The following ATP6V1B1 variants were observed in gnomAD, a reference collection of about 807,000 sequenced individuals.
ATP6V1B1 encodes V-type proton ATPase subunit B, kidney isoform.
A neutral mutation model predicts 62.1 loss-of-function variants in ATP6V1B1; 41 were observed. The observed-to-expected ratio is 0.66, with a 90% CI of 0.51 to 0.86. The LOEUF is 0.86. Ranked by LOEUF, ATP6V1B1 falls within the 40% of genes least tolerant of loss-of-function variation. The probability of loss-of-function intolerance (pLI) is 0.00; values close to 1 mark genes in which losing one functional copy is unlikely to be tolerated. For missense variants in ATP6V1B1, 651 were observed against 697.5 expected (o/e 0.93, Z 0.75); for synonymous variants, 253 against 273.4 (o/e 0.93, Z 0.74).
At chr2:70,937,889 G>A (rs1441055298) in intron 1 of ATP6V1B1, among the ~76,000 whole-genome samples, 3 of 152,090 alleles carry the variant, frequency 2.0e-5, no homozygotes, top group African/African-American at 7.2e-5. Context: ...ATGCCCTGGA[G>A]GTTCTGACCC....
At position 70,964,995 on chromosome 2, in the gene ATP6V1B1, C is replaced by G. The variant is rs138716118; in HGVS notation, c.1416C>G (p.Asp472Glu). 6 of 1,613,808 alleles carry G rather than the reference C, an allele frequency of 3.7e-6. No homozygotes were observed. Among genetic ancestry groups the G allele is most frequent in the Non-Finnish European group, 5.1e-6 (6 of 1,180,038 alleles). Residue 472 changes from aspartate (D) to glutamate (E), a missense_variant, in exon 14 of 14, where the codon GAC becomes GAG. By Grantham distance (45) the Asp-to-Glu change is conservative (BLOSUM62 2). Coordinates refer to ENST00000234396, the MANE Select transcript of ATP6V1B1 (RefSeq NM_001692.4). ...ACCGCTCGGTGTTCGAGTCGCTGGA[C>G]CTGGGCTGGAAGCTGCTGCGCATCT... ...YENRSVFESL[D>E]LGWKLLRIFP...
chr2:70,943,074 C>G (rs1680042469), intron 1 of ATP6V1B1, among the ~76,000 whole-genome samples: 1 of 152,208 alleles, frequency 6.6e-6, no homozygotes, highest in African/African-American at 2.4e-5. Flanking sequence ...TTTTCACTCC[C>G]TCCCCTCCCA....
chr2:70,960,962 G>A lies in ATP6V1B1; in HGVS notation c.627G>A (p.Lys209=), dbSNP rs1553419961. 1 of 1,608,478 alleles carries A rather than the reference G, an allele frequency of 6.2e-7. No individual in the cohort carries two copies. The highest frequency in any genetic ancestry group is 1.1e-5 in the South Asian group (1 of 89,762). ...QICRQAGLVK[K]SKAVLDYHDD... is the part of the protein sequence containing the mutation. ...GCCGCCAGGCGGGGCTGGTGAAGAA[G>A]TCCAAGGCTGTGCTGGATTACCATG... Residue 209 remains lysine, a synonymous_variant, in exon 7 of 14, where the codon AAG becomes AAA. Coordinates refer to ENST00000234396, the MANE Select transcript of ATP6V1B1 (RefSeq NM_001692.4).
chr2:70,950,444 T>C (rs1375843514), intron 2 of ATP6V1B1, among the ~76,000 whole-genome samples: 8 of 152,266 alleles, frequency 5.3e-5, no homozygotes, highest in Non-Finnish European at 1.0e-4. Flanking sequence ...ATTAAGACAA[T>C]AATGTTCTTC....
In ATP6V1B1 at chr2:70,961,174, T is replaced by C. The variant is rs113721605; in HGVS notation, c.687+152T>C. 15 of 811,396 alleles carry C rather than the reference T, an allele frequency of 1.8e-5. 1 individual carries two copies. Among genetic ancestry groups the C allele is most frequent in the African/African-American group, 1.7e-4 (10 of 59,072 alleles). The allele number at this position is 811,396 out of a possible 1,614,324, so 50.3% of individuals were successfully genotyped here. A position where few individuals can be genotyped will look rare whatever the true frequency, so the allele number is the denominator to read the frequency against. On this transcript the variant is annotated intron_variant, in intron 7 of 13. Transcript: ENST00000234396. ...GATGGGAGCAGTGACCACGGCCATG[T>C]GTCCCTCAGGGTGTCCCAAAGGCAA...
intron 8 of ATP6V1B1, among the ~76,000 whole-genome samples, chr2:70,962,074 C>A (rs1680600714): frequency 6.6e-6 from 1 of 152,086 alleles, no homozygotes; most frequent in Non-Finnish European, 1.5e-5. Flanking sequence ...GAAAACAATT[C>A]TAATAAACTA....
At chr2:70,937,987 A>G (rs1265690935) in intron 1 of ATP6V1B1, among the ~76,000 whole-genome samples, 3 of 152,136 alleles carry the variant, frequency 2.0e-5, no homozygotes, top group African/African-American at 7.2e-5. Context: ...ACCCAGGAGA[A>G]TGTGTTCACA....
At chr2:70,953,313 C>T (rs1224604260) in intron 2 of ATP6V1B1, among the ~76,000 whole-genome samples, 2 of 152,092 alleles carry the variant, frequency 1.3e-5, no homozygotes, top group Non-Finnish European at 2.9e-5. Context: ...AGAAATTTCC[C>T]TTTTATTTCC....
intron 2 of ATP6V1B1, among the ~76,000 whole-genome samples, chr2:70,951,260 GGTACGC>G (rs1442501641): frequency 6.6e-6 from 1 of 151,794 alleles, no homozygotes; most frequent in East Asian, 1.9e-4. Context: ...ATCTTTTGAG[GGTACGC>G]TAAGCTCAAG....
rs1409355618 is a variant in ATP6V1B1 at position 70,943,720 on chromosome 2, C to A, written c.174+7C>A. The A allele has an allele frequency of 1.9e-6, 3 of 1,613,396 alleles. No homozygotes were observed. The highest frequency in any genetic ancestry group is 1.3e-5 in the African/African-American group (1 of 74,870). On this transcript the variant is annotated splice_region_variant and intron_variant, in intron 2 of 13. Coordinates refer to ENST00000234396, the MANE Select transcript of ATP6V1B1 (RefSeq NM_001692.4). ...GGTGCTGGACCGGGTCAAGGTAAGA[C>A]TCTTCTGCTGCCTCCCTGGCACTAA...
Position 70,963,286 on chromosome 2 carries a change from T to C in ATP6V1B1, c.1034T>C (p.Ile345Thr). The stretch of plus-strand genomic sequence containing the variant: ...GGTCGGGGAGGATCCATCACACAGA[T>C]CCCCATCCTCACCATGCCCAACGAC... ...VEGRGGSITQ[I>T]PILTMPNDDI... Residue 345 changes from isoleucine to threonine, a missense_variant, in exon 10 of 14, where the codon ATC becomes ACC. Transcript: ENST00000234396. The surrounding 1 kb of genome is among the most constrained non-coding windows in gnomAD (Gnocchi z 4.3). The C allele has an allele frequency of 6.2e-7, 1 of 1,613,242 alleles. No homozygotes were observed. The highest frequency in any genetic ancestry group is 2.2e-5 in the East Asian group (1 of 44,870).
chr2:70,944,946 C>T (rs1465231376), intron 2 of ATP6V1B1, among the ~76,000 whole-genome samples: 2 of 152,146 alleles, frequency 1.3e-5, no homozygotes, highest in Non-Finnish European at 2.9e-5. Context: ...GGATTACAGG[C>T]GTGAGCCACC....
Position 70,963,795 on chromosome 2 carries a change from A to C in ATP6V1B1, c.1143+141A>C. The C allele has an allele frequency of 3.3e-6, 3 of 903,478 alleles. No individual in the cohort carries two copies. The highest frequency in any genetic ancestry group is 5.4e-6 in the Non-Finnish European group (3 of 556,784). 56.0% of individuals were successfully genotyped at this position (903,478 alleles called of 1,614,324 possible). On this transcript the variant is annotated intron_variant, in intron 11 of 13. Coordinates refer to ENST00000234396, the MANE Select transcript of ATP6V1B1 (RefSeq NM_001692.4). The surrounding 1 kb of genome is among the most constrained non-coding windows in gnomAD (Gnocchi z 4.3). ...AGGAGACAGCCACAGGGAAGACTGC[A>C]TGGTTCACAGACAGAAGACAGGCCT...
chr2:70,958,491 C>G, intron 4 of ATP6V1B1, 65 bp downstream of exon 4: 1 of 1,467,000 alleles, frequency 6.8e-7, no homozygotes, highest in Non-Finnish European at 9.5e-7. Context: ...CTTCTCTGAC[C>G]AAACCCTCAG....
intron 2 of ATP6V1B1, among the ~76,000 whole-genome samples, chr2:70,954,449 C>G (rs1680390085): frequency 6.6e-6 from 1 of 152,094 alleles, no homozygotes; most frequent in Non-Finnish European, 1.5e-5. Flanking sequence ...AGCTTTATAT[C>G]TTTCATAGGT....
At chr2:70,943,117 G>T (rs1289570096) in intron 1 of ATP6V1B1, among the ~76,000 whole-genome samples, 1 of 152,056 alleles carries the variant, frequency 6.6e-6, no homozygotes, top group African/African-American at 2.4e-5. Context: ...GGGAGTCCAG[G>T]AACCTTGTGA....
At chr2:70,958,844 C>A (rs1680510267) in intron 4 of ATP6V1B1, among the ~76,000 whole-genome samples, 174 bp from the exon 5 acceptor site, 1 of 152,134 alleles carries the variant, frequency 6.6e-6, no homozygotes, top group Admixed American at 6.5e-5. Flanking sequence ...GGAAGACTCT[C>A]ACAGGACAGT....
At chr2:70,958,565 G>T (rs957682353) in intron 4 of ATP6V1B1, 139 bp downstream of exon 4, 1 of 797,184 alleles carries the variant, frequency 1.3e-6, no homozygotes. Context: ...TTTGAGGTCT[G>T]GGGTATGTCT....
At chr2:70,952,588 T>A (rs1039732185) in intron 2 of ATP6V1B1, among the ~76,000 whole-genome samples, 1 of 152,202 alleles carries the variant, frequency 6.6e-6, no homozygotes, top group Non-Finnish European at 1.5e-5. Context: ...TATTATGAAT[T>A]TTGTTATCAA....
Sources: gnomAD v4.1 joint callset for allele counts (sites outside exome capture counted in the v4.1 genomes callset) on GRCh38, gnomAD v4.1.1 for gene constraint, Gnocchi (gnomAD v3.1) non-coding constraint, MANE v1.5 for transcripts, NCBI Gene and HGNC (gene_info 2026-07-23, HGNC 2026-07-21) for gene names.